Variants in NXPH2 observed in about 807,000 individuals in gnomAD.
NXPH2 encodes the protein neurexophilin-2.
In NXPH2, 5 loss-of-function variants were observed where a neutral mutation model predicts 19.8. The observed-to-expected ratio is 0.25, with a 90% confidence interval of 0.13 to 0.53. The LOEUF (loss-of-function observed/expected upper bound fraction) is 0.53, where lower values mean the gene tolerates loss of function less well. Among genes scored for constraint, NXPH2 ranks in the 20% least tolerant of loss-of-function variants. NXPH2 has a pLI of 0.96. For synonymous variants in NXPH2, 154 were observed against 127.4 expected (o/e 1.21, Z -1.41); for missense variants, 289 against 322.8 (o/e 0.90, Z 0.80).
intron 1 of NXPH2, among the ~76,000 whole-genome samples, chr2:138,716,313 C>T (rs538940781): frequency 6.6e-6 from 1 of 152,244 alleles, no homozygotes; most frequent in African/African-American, 2.4e-5. Flanking sequence ...GGGGAGGAAA[C>T]TAGGTTTAGA....
intron 1 of NXPH2, among the ~76,000 whole-genome samples, chr2:138,712,497 A>T (rs1395912911): frequency 6.6e-6 from 1 of 152,172 alleles, no homozygotes; most frequent in Non-Finnish European, 1.5e-5. Flanking sequence ...TACAATCATC[A>T]CAACATTGCC....
chr2:138,729,884 T>C (rs1039580639), intron 1 of NXPH2, among the ~76,000 whole-genome samples: 2 of 152,322 alleles, frequency 1.3e-5, no homozygotes, highest in Admixed American at 6.5e-5. Flanking sequence ...TCTGAAGTGA[T>C]GTTTTTGTCT....
chr2:138,761,125 T>C (rs1472782131), intron 1 of NXPH2, among the ~76,000 whole-genome samples: 1 of 152,124 alleles, frequency 6.6e-6, no homozygotes, highest in Non-Finnish European at 1.5e-5. Flanking sequence ...GATCCAAAGA[T>C]TTTGTTGAAA....
chr2:138,755,143 G>T (rs927195602), intron 1 of NXPH2, among the ~76,000 whole-genome samples: 2 of 151,758 alleles, frequency 1.3e-5, no homozygotes, highest in Non-Finnish European at 2.9e-5. Context: ...CTCAGTATAC[G>T]GCTTATCTTT....
chr2:138,692,720 C>T (rs149273341), intron 1 of NXPH2, among the ~76,000 whole-genome samples: 62 of 152,190 alleles, frequency 4.1e-4, no homozygotes, highest in African/African-American at 1.5e-3. Flanking sequence ...TGACTATGGC[C>T]TAATTTTAAA....
At chr2:138,778,464 A>T (rs4371293) in intron 1 of NXPH2, among the ~76,000 whole-genome samples, 22,028 of 152,152 alleles carry the variant, frequency 0.14, 1,665 homozygotes, top group Middle Eastern at 0.19. Flanking sequence ...GGAAAAAAAA[A>T]ATATCTAACA....
chr2:138,680,143 A>T (rs1022793210), intron 1 of NXPH2, among the ~76,000 whole-genome samples: 9 of 152,210 alleles, frequency 5.9e-5, no homozygotes, highest in African/African-American at 1.9e-4. Flanking sequence ...TGGCATCAGG[A>T]GCATAAAAAT....
chr2:138,716,572 C>T (rs935356308), intron 1 of NXPH2, among the ~76,000 whole-genome samples: 8 of 152,128 alleles, frequency 5.3e-5, no homozygotes, highest in African/African-American at 1.7e-4. Context: ...TTGTTTAAGC[C>T]CGTCAGTTTG....
At chr2:138,738,522 A>G (rs1002041814) in intron 1 of NXPH2, among the ~76,000 whole-genome samples, 3 of 152,230 alleles carry the variant, frequency 2.0e-5, no homozygotes, top group African/African-American at 7.2e-5. Context: ...AAAATTTGTG[A>G]TAATTCAAAG....
chr2:138,685,022 G>A (rs2104971790), intron 1 of NXPH2, among the ~76,000 whole-genome samples: 1 of 152,284 alleles, frequency 6.6e-6, no homozygotes, highest in African/African-American at 2.4e-5. Flanking sequence ...TTGCATCCAT[G>A]TGTCTTTGGC....
Position 138,689,660 on chromosome 2 carries a change from G to C in NXPH2, c.52-17995C>G, listed in dbSNP as rs141290726. Among the ~76,000 whole-genome samples, 210 of 152,272 alleles carry C rather than the reference G, an allele frequency of 1.4e-3. 2 individuals carry two copies. The highest frequency in any genetic ancestry group is 9.3e-4 in the Non-Finnish European group (63 of 68,018). On this transcript the variant is annotated intron_variant, in intron 1 of 1. Coordinates refer to ENST00000272641, the MANE Select transcript of NXPH2 (RefSeq NM_007226.3). ...ATAGGAAAATGCTTCATTTCTCACT[G>C]TACTGTATTTGGCTTTTATAGGCAA...
At chr2:138,752,057 A>G (rs1681836626) in intron 1 of NXPH2, among the ~76,000 whole-genome samples, 1 of 152,222 alleles carries the variant, frequency 6.6e-6, no homozygotes, top group South Asian at 2.1e-4. Context: ...GAATAAAGCA[A>G]TAAAGAATGA....
intron 1 of NXPH2, among the ~76,000 whole-genome samples, chr2:138,675,543 A>G (rs956829148): frequency 4.6e-5 from 7 of 152,120 alleles, no homozygotes; most frequent in African/African-American, 1.7e-4. Context: ...TAGCAATAGG[A>G]CATTACTGAG....
chr2:138,742,721 A>G (rs948048229), intron 1 of NXPH2, among the ~76,000 whole-genome samples: 1 of 152,218 alleles, frequency 6.6e-6, no homozygotes, highest in Non-Finnish European at 1.5e-5. Flanking sequence ...AGAACAAGTC[A>G]GCTTTATTTG....
At position 138,688,665 on chromosome 2, in the gene NXPH2, A is replaced by G. The variant is rs539479841; in HGVS notation, c.52-17000T>C. ...TTCAGATGTGTAACAACTATTATTG[A>G]AAGCTTCATGAATGACAGCAATAAG... On this transcript the variant is annotated intron_variant, in intron 1 of 1. Coordinates refer to ENST00000272641, the MANE Select transcript of NXPH2 (RefSeq NM_007226.3). 3.3e-5 allele frequency among the ~76,000 whole-genome samples: 5 copies of G among 152,326 alleles called. No individual in the cohort carries two copies. The South Asian group carries it at 1.0e-3, about 32-fold the overall frequency.
At chr2:138,711,728 C>G (rs1376728549) in intron 1 of NXPH2, among the ~76,000 whole-genome samples, 1 of 152,218 alleles carries the variant, frequency 6.6e-6, no homozygotes, top group Non-Finnish European at 1.5e-5. Context: ...GACATGTCCC[C>G]TCCAGCTCCT....
intron 1 of NXPH2, among the ~76,000 whole-genome samples, chr2:138,701,966 G>A (rs779489679): frequency 2.0e-4 from 30 of 152,126 alleles, no homozygotes; most frequent in Admixed American, 7.2e-4. Flanking sequence ...AGGAGAGGTC[G>A]GTTACTCCGG....
intron 1 of NXPH2, among the ~76,000 whole-genome samples, chr2:138,684,200 T>C (rs1680615880): frequency 6.6e-6 from 1 of 152,146 alleles, no homozygotes. Context: ...TTGTCCAAGG[T>C]CCAAGTATTG....
intron 1 of NXPH2, among the ~76,000 whole-genome samples, chr2:138,725,171 C>T (rs72988939): frequency 6.6e-6 from 1 of 152,222 alleles, no homozygotes; most frequent in Non-Finnish European, 1.5e-5. Context: ...TATTGGAATA[C>T]TTTATCCTAC....
Sources: gnomAD v4.1 joint callset for allele counts (sites outside exome capture counted in the v4.1 genomes callset) on GRCh38, gnomAD v4.1.1 for gene constraint, MANE v1.5 for transcripts, NCBI Gene and HGNC (gene_info 2026-07-23, HGNC 2026-07-21) for gene names.